Variants in RELN observed in about 807,000 individuals in gnomAD.
The protein encoded by RELN is reelin.
Under a neutral mutation model 427.6 loss-of-function variants are expected in RELN, and 108 were observed. That is an observed-to-expected ratio of 0.25 (90% CI 0.22 to 0.30). The LOEUF is 0.30. RELN is among the 10% of genes least tolerant of loss of function. The pLI is 1.00. For synonymous variants in RELN, 1,524 were observed against 1,513.4 expected (o/e 1.01, Z -0.16); for missense variants, 3,715 against 4,302.8 (o/e 0.86, Z 3.82).
intron 4 of RELN, among the ~76,000 whole-genome samples, chr7:103,765,983 C>A (rs1427024536): frequency 1.3e-5 from 2 of 152,174 alleles, no homozygotes; most frequent in Non-Finnish European, 2.9e-5. Flanking sequence ...GAGTCAGTAG[C>A]AAGAAATTTT....
chr7:103,642,880 A>C (rs1428432506), intron 16 of RELN, among the ~76,000 whole-genome samples: 1 of 152,106 alleles, frequency 6.6e-6, no homozygotes, highest in East Asian at 1.9e-4. Flanking sequence ...GAACAGGTGC[A>C]ATACTTAAAA....
intron 2 of RELN, among the ~76,000 whole-genome samples, chr7:103,855,584 C>T (rs754070838): frequency 6.6e-6 from 1 of 152,124 alleles, no homozygotes; most frequent in African/African-American, 2.4e-5. Context: ...TGCTTTATGC[C>T]ATTTATTAGT....
intron 8 of RELN, among the ~76,000 whole-genome samples, chr7:103,717,773 G>A (rs1029114001): frequency 9.2e-5 from 14 of 151,948 alleles, no homozygotes; most frequent in Non-Finnish European, 4.4e-5. Context: ...ACCAGGGAGA[G>A]TGATTCTGGA....
rs34244913 is a variant in RELN, at chr7:103,839,303, C to CTTT, written c.338-5634_338-5632dup. ...CACTATGACTATACAGTGGTCTTTG[C>CTTT]TTTTTTTTTTTTTTTTTTTAACATA... is the stretch of plus-strand genomic sequence containing the variant. On this transcript the variant is annotated intron_variant, in intron 2 of 64. Transcript: ENST00000428762. 9.3e-3 allele frequency among the ~76,000 whole-genome samples: 1,130 copies of CTTT among 121,174 alleles called. 21 individuals carry two copies. Among genetic ancestry groups the CTTT allele is most frequent in the African/African-American group, 0.023 (743 of 32,464 alleles). The allele number at this position is 121,174 out of a possible 152,430, so 79.5% of individuals were successfully genotyped here.
intron 3 of RELN, among the ~76,000 whole-genome samples, chr7:103,825,748 A>G (rs74492006): frequency 1.3e-5 from 2 of 152,162 alleles, no homozygotes; most frequent in African/African-American, 2.4e-5. Context: ...TGAGAACTCA[A>G]AATGTGGCTG....
At chr7:103,649,021 G>A (rs1484400969) in intron 16 of RELN, among the ~76,000 whole-genome samples, 1 of 151,968 alleles carries the variant, frequency 6.6e-6, no homozygotes, top group African/African-American at 2.4e-5. Context: ...CTGGAAAACA[G>A]TATAGATATC....
chr7:103,584,360 G>C (rs1015631629), intron 28 of RELN, among the ~76,000 whole-genome samples: 6 of 152,040 alleles, frequency 3.9e-5, no homozygotes, highest in African/African-American at 1.5e-4. Flanking sequence ...CAACATAAAG[G>C]GGTGGAAAAA....
chr7:103,714,613 C>T (rs1214197773), intron 8 of RELN, among the ~76,000 whole-genome samples: 2 of 152,274 alleles, frequency 1.3e-5, no homozygotes, highest in East Asian at 1.9e-4. Flanking sequence ...TGATTTGCCT[C>T]GCCTATGCCT....
chr7:103,974,236 A>G (rs922395270), intron 1 of RELN, among the ~76,000 whole-genome samples: 6 of 152,246 alleles, frequency 3.9e-5, no homozygotes, highest in Non-Finnish European at 8.8e-5. Context: ...CTGAAGATCC[A>G]AAACAACCCT....
chr7:103,639,003 C>T (rs1031483242), intron 17 of RELN, among the ~76,000 whole-genome samples: 6 of 151,944 alleles, frequency 3.9e-5, no homozygotes, highest in Admixed American at 3.3e-4. Context: ...AATTTTTTTC[C>T]CCAAAACTTT....
At chr7:103,720,231 C>T (rs920355889) in intron 8 of RELN, among the ~76,000 whole-genome samples, 1 of 150,836 alleles carries the variant, frequency 6.6e-6, no homozygotes, top group Non-Finnish European at 1.5e-5. Context: ...AGTATTGCTG[C>T]TAAACATTGG....
Position 103,652,548 on chromosome 7 carries a change from T to C in RELN, c.1763+3A>G, listed in dbSNP as rs371095209. The stretch of plus-strand genomic sequence containing the variant: ...TGCACACTTACAAAATAGGGCTTCC[T>C]ACCTGTTACCAGGCTGATGCGTTCC... On this transcript the variant is annotated splice_donor_region_variant and intron_variant, in intron 14 of 64. Transcript: ENST00000428762. The C allele has an allele frequency of 1.9e-5, 30 of 1,611,522 alleles. No homozygotes were observed. The highest frequency in any genetic ancestry group is 2.5e-5 in the Non-Finnish European group (29 of 1,178,228).
intron 10 of RELN, among the ~76,000 whole-genome samples, chr7:103,689,522 C>T (rs1833831097): frequency 6.6e-6 from 1 of 152,020 alleles, no homozygotes; most frequent in South Asian, 2.1e-4. Context: ...CAAACACACA[C>T]ACACCAAGTG....
At chr7:103,581,015 T>C (rs2117220360) in intron 28 of RELN, among the ~76,000 whole-genome samples, 1 of 152,200 alleles carries the variant, frequency 6.6e-6, no homozygotes, top group African/African-American at 2.4e-5. Context: ...GGTGCACAGC[T>C]GGAGATGGGC....
At chr7:103,874,006 C>A (rs934096667) in intron 2 of RELN, among the ~76,000 whole-genome samples, 8 of 144,746 alleles carry the variant, frequency 5.5e-5, no homozygotes, top group Admixed American at 1.4e-4. Context: ...AGCTTATCCA[C>A]CATGATCAAG....
chr7:103,743,834 G>A (rs1790739234), intron 6 of RELN, among the ~76,000 whole-genome samples: 1 of 152,122 alleles, frequency 6.6e-6, no homozygotes, highest in Non-Finnish European at 1.5e-5. Flanking sequence ...ACACCCCACT[G>A]TCAACATTAG....
chr7:103,901,723 T>C (rs1191712591), intron 2 of RELN, among the ~76,000 whole-genome samples: 2 of 151,980 alleles, frequency 1.3e-5, no homozygotes, highest in African/African-American at 2.4e-5. Context: ...AGAAGACTAG[T>C]GGCTGCCTGG....
chr7:103,732,995 C>T (rs1790393862), intron 6 of RELN, among the ~76,000 whole-genome samples: 1 of 152,040 alleles, frequency 6.6e-6, no homozygotes, highest in African/African-American at 2.4e-5. Flanking sequence ...TTGCCCATGC[C>T]TATGTCCTGA....
chr7:103,712,499 AC>A (rs1295421984), intron 8 of RELN, among the ~76,000 whole-genome samples: 2 of 152,240 alleles, frequency 1.3e-5, no homozygotes, highest in Non-Finnish European at 2.9e-5. Flanking sequence ...AATTCAAATA[AC>A]TTAATTAACT....
Sources: allele counts gnomAD v4.1 joint callset (sites outside exome capture counted in the v4.1 genomes callset), GRCh38; gene constraint gnomAD v4.1.1; transcripts MANE v1.5; gene names NCBI Gene and HGNC (gene_info 2026-07-23, HGNC 2026-07-21).